Variants in DCAF1 observed in about 807,000 individuals in gnomAD.
DCAF1 encodes the protein DDB1 and CUL4 associated factor 1, also known as DDB1- and CUL4-associated factor 1.
A neutral mutation model predicts 128.0 loss-of-function variants in DCAF1; 15 were observed. The ratio of observed to expected loss-of-function variants is 0.12; its 90% CI spans 0.08 to 0.18. The LOEUF is 0.18. Among genes scored for constraint, DCAF1 ranks in the 10% least tolerant of loss-of-function variants. DCAF1 has a pLI of 1.00. For missense variants in DCAF1, 988 were observed against 1,649.5 expected, an observed-to-expected ratio of 0.60 and a Z score of 6.95; for synonymous variants, 610 against 603.0, an observed-to-expected ratio of 1.01 and a Z score of -0.17.
chr3:51,453,724 G>A lies in DCAF1; in HGVS notation c.375+9390C>T, dbSNP rs1031497945. Reference sequence around the variant, plus strand: ...TCCCAGCACTTTGGGAGGCCAAGGCGGGCAGATCAGCTGAGGTCGGGAGTT... The same window carrying A: ...TCCCAGCACTTTGGGAGGCCAAGGCAGGCAGATCAGCTGAGGTCGGGAGTT... On this transcript the variant is annotated intron_variant, in intron 6 of 24. Transcript: ENST00000684031. Among the ~76,000 whole-genome samples, 31 of 152,130 alleles carry A rather than the reference G, an allele frequency of 2.0e-4. 1 individual carries two copies. The highest frequency in any genetic ancestry group is 6.5e-5 in the Admixed American group (1 of 15,268).
intron 2 of DCAF1, among the ~76,000 whole-genome samples, chr3:51,491,606 T>C (rs894681355): frequency 1.3e-5 from 2 of 152,162 alleles, no homozygotes; most frequent in African/African-American, 4.8e-5. Context: ...CCCTGCACTT[T>C]GGGAGGCCAA....
chr3:51,482,389 G>T (rs530083566), intron 3 of DCAF1, among the ~76,000 whole-genome samples: 1 of 150,912 alleles, frequency 6.6e-6, no homozygotes, highest in African/African-American at 2.4e-5. Context: ...AGGCTGCAGT[G>T]AGCTGAGATC....
At chr3:51,412,968 C>T (rs781821746) in intron 22 of DCAF1, 25 bp downstream of exon 22, 17 of 1,613,002 alleles carry the variant, frequency 1.1e-5, no homozygotes, top group Non-Finnish European at 1.4e-5. Flanking sequence ...AACAAAAGAG[C>T]AGGGCCTCTG....
chr3:51,446,996 T>TAATAATAATAATAATAAA (rs1701931387), intron 6 of DCAF1, among the ~76,000 whole-genome samples: 1 of 148,074 alleles, frequency 6.8e-6, no homozygotes, highest in Non-Finnish European at 1.5e-5. Context: ...ATAATAATAA[T>TAATAATAATAATAATAAA]AATAAAATGT....
intron 3 of DCAF1, among the ~76,000 whole-genome samples, chr3:51,471,846 G>A (rs1704793390): frequency 6.6e-6 from 1 of 151,712 alleles, no homozygotes; most frequent in Admixed American, 6.6e-5. Flanking sequence ...TCCAGCCCGG[G>A]CAACAAGAGT....
In DCAF1 at chr3:51,398,606, C is replaced by G. The variant is rs2089394609; in HGVS notation, c.*163G>C. ...GGTGGTTATTGATTCTGGAAGGACCCTCGGGTGCCAATGAGGCTCTCTAAG... is the reference window on the plus strand; with the variant it reads ...GGTGGTTATTGATTCTGGAAGGACCGTCGGGTGCCAATGAGGCTCTCTAAG... On this transcript the variant is annotated 3_prime_UTR_variant, in exon 25 of 25. Coordinates refer to ENST00000684031, the MANE Select transcript of DCAF1 (RefSeq NM_001387579.1). 15 of 876,944 alleles carry G rather than the reference C, an allele frequency of 1.7e-5. No homozygotes were observed. The highest frequency in any genetic ancestry group is 2.4e-5 in the Non-Finnish European group (14 of 582,148). 54.3% of individuals were successfully genotyped at this position (876,944 alleles called of 1,614,324 possible).
chr3:51,403,389 C>G lies in DCAF1; in HGVS notation c.4219G>C (p.Glu1407Gln). 6.4e-7 allele frequency: 1 copy of G among 1,552,140 alleles called. No individual in the cohort carries two copies. The change falls in exon 24 of 25, where the codon GAA becomes CAA. Residue 1407 changes from glutamate to glutamine, a missense_variant. Physicochemically the swap from Glu to Gln is conservative, Grantham distance 29. Transcript: ENST00000684031. ...DEDEEEDQEE[E>Q]EQEEEDDDED... is the part of the protein sequence containing the mutation. ...TCATCATCTTCTTCCTCCTGTTCTT[C>G]CTCTTCCTGGTAAGAAAGCGTAATG...
intron 6 of DCAF1, among the ~76,000 whole-genome samples, chr3:51,450,792 C>T (rs1264541939): frequency 6.6e-6 from 1 of 152,078 alleles, no homozygotes; most frequent in Non-Finnish European, 1.5e-5. Context: ...AAGGTGTCCA[C>T]TTTTGCCACT....
intron 6 of DCAF1, among the ~76,000 whole-genome samples, chr3:51,460,409 G>A (rs1419558365): frequency 7.9e-5 from 12 of 152,300 alleles, no homozygotes; most frequent in South Asian, 2.1e-4. Flanking sequence ...TGAAATAAAA[G>A]AGGATACAAA....
At chr3:51,421,458 T>C (rs1699384027) in intron 14 of DCAF1, among the ~76,000 whole-genome samples, 1 of 152,286 alleles carries the variant, frequency 6.6e-6, no homozygotes, top group South Asian at 2.1e-4. Context: ...GGTTTCACCA[T>C]GTTGGCCAGT....
chr3:51,500,537 G>GTTTGT (rs756329613), upstream of DCAF1, among the ~76,000 whole-genome samples: 6 of 152,070 alleles, frequency 3.9e-5, no homozygotes, highest in Non-Finnish European at 8.8e-5. Flanking sequence ...GTTGTTTTTT[G>GTTTGT]TTTGTTTTGT....
intron 6 of DCAF1, among the ~76,000 whole-genome samples, chr3:51,447,423 A>G (rs1701985505): frequency 6.6e-6 from 1 of 152,130 alleles, no homozygotes; most frequent in Admixed American, 6.6e-5. Context: ...AAATAAATAA[A>G]TAAATAAATA....
At position 51,454,687 on chromosome 3, in the gene DCAF1, T is replaced by C. The variant is rs573100938; in HGVS notation, c.375+8427A>G. Among the ~76,000 whole-genome samples, 6 of 151,908 alleles carry C rather than the reference T, an allele frequency of 3.9e-5. No homozygotes were observed. In the South Asian group the frequency reaches 1.2e-3, roughly 32 times the overall value. On this transcript the variant is annotated intron_variant, in intron 6 of 24. Coordinates refer to ENST00000684031, the MANE Select transcript of DCAF1 (RefSeq NM_001387579.1). Reference sequence around the variant, plus strand: ...CCCTAATTTTTGTTTTGTTTTGTTTTTTTTGAGACGGAGTCTCGCTCTGTC... The same window carrying C: ...CCCTAATTTTTGTTTTGTTTTGTTTCTTTTGAGACGGAGTCTCGCTCTGTC...
intron 6 of DCAF1, among the ~76,000 whole-genome samples, chr3:51,445,930 G>C (rs1577171647): frequency 6.6e-6 from 1 of 151,336 alleles, no homozygotes; most frequent in East Asian, 1.9e-4. Flanking sequence ...TGACCATTCA[G>C]GCTTTTGCTT....
rs1428957590 is a variant in DCAF1, at chr3:51,450,733, C to T, written c.376-6830G>A. ...CTCAGCACAAGCGATCTTCCCACCT[C>T]GGCCTCCCAAAGTACTGAGGTTACA... On this transcript the variant is annotated intron_variant, in intron 6 of 24. Transcript: ENST00000684031. 2.0e-5 allele frequency among the ~76,000 whole-genome samples: 3 copies of T among 152,156 alleles called. No homozygotes were observed. The East Asian group carries it at 5.8e-4, about 29-fold the overall frequency.
At chr3:51,444,454 G>A (rs1488975275) in intron 6 of DCAF1, among the ~76,000 whole-genome samples, 1 of 151,614 alleles carries the variant, frequency 6.6e-6, no homozygotes, top group Non-Finnish European at 1.5e-5. Flanking sequence ...AGGTTCAAGC[G>A]ATTCTCCTGC....
At chr3:51,500,583 C>T (rs1553663916), upstream of DCAF1, among the ~76,000 whole-genome samples, 1 of 152,092 alleles carries the variant, frequency 6.6e-6, no homozygotes, top group East Asian at 1.9e-4. Flanking sequence ...CTCTGTTGCC[C>T]AGGCTGGAGT....
intron 12 of DCAF1, among the ~76,000 whole-genome samples, chr3:51,427,848 G>A (rs1700037535): frequency 6.6e-6 from 1 of 152,084 alleles, no homozygotes; most frequent in African/African-American, 2.4e-5. Flanking sequence ...GCCCATGCTG[G>A]AGTGCAGTGG....
At chr3:51,479,496 C>T (rs1200815407) in intron 3 of DCAF1, among the ~76,000 whole-genome samples, 2 of 151,168 alleles carry the variant, frequency 1.3e-5, no homozygotes, top group African/African-American at 4.9e-5. Flanking sequence ...GAGGGAAATC[C>T]TGTCTATTAT....
Sources: gnomAD v4.1 joint callset for allele counts (sites outside exome capture counted in the v4.1 genomes callset) on GRCh38, gnomAD v4.1.1 for gene constraint, MANE v1.5 for transcripts, NCBI Gene and HGNC (gene_info 2026-07-23, HGNC 2026-07-21) for gene names.